Variants in TNFRSF10C observed in about 807,000 individuals in gnomAD.
TNFRSF10C encodes TNF receptor superfamily member 10c.
In TNFRSF10C, 17 loss-of-function variants were observed where a neutral mutation model predicts 16.7. The observed-to-expected ratio is 1.02, with a 90% confidence interval of 0.70 to 1.53. The LOEUF (loss-of-function observed/expected upper bound fraction) is 1.53, where lower values mean the gene tolerates loss of function less well. Among genes scored for constraint, TNFRSF10C ranks in the 40% most tolerant of loss-of-function variants. TNFRSF10C has a pLI of 0.00. For synonymous variants in TNFRSF10C, 73 were observed against 119.7 expected (o/e 0.61, Z 2.55); for missense variants, 237 against 329.7 (o/e 0.72, Z 2.18).
Position 23,116,679 on chromosome 8 carries a change from C to T in TNFRSF10C, c.428C>T (p.Ser143Phe), listed in dbSNP as rs1813989154. Residue 143 changes from serine (S) to phenylalanine (F), a missense_variant, in exon 5 of 5, where the codon TCC becomes TTC. Transcript: ENST00000356864. The stretch of plus-strand genomic sequence containing the variant: ...GAAGTCCAAGTCAGTAATTGTACGT[C>T]CTGGGATGATATCCAGTGTGTTGAA... Reference protein sequence around the residue: ...SGEVQVSNCTSWDDIQCVEEF... With the variant: ...SGEVQVSNCTFWDDIQCVEEF... 6.2e-7 allele frequency: 1 copy of T among 1,614,112 alleles called. No individual in the cohort carries two copies. The highest frequency in any genetic ancestry group is 8.5e-7 in the Non-Finnish European group (1 of 1,180,034).
At chr8:23,105,460 C>A (rs137941902) in intron 1 of TNFRSF10C, among the ~76,000 whole-genome samples, 1 of 152,312 alleles carries the variant, frequency 6.6e-6, no homozygotes, top group East Asian at 1.9e-4. Context: ...GGGTGGAGCA[C>A]CACGGGGAGG....
intron 1 of TNFRSF10C, among the ~76,000 whole-genome samples, chr8:23,105,748 G>A (rs1813764726): frequency 6.6e-6 from 1 of 152,192 alleles, no homozygotes. Context: ...TCAGGGATGG[G>A]GACAGTGGGG....
Position 23,103,054 on chromosome 8 carries a change from C to G in TNFRSF10C, c.-68C>G. The G allele has an allele frequency of 6.3e-7, 1 of 1,576,736 alleles. No individual in the cohort carries two copies. The highest frequency in any genetic ancestry group is 2.3e-5 in the East Asian group (1 of 43,346). On this transcript the variant is annotated 5_prime_UTR_variant, in exon 1 of 5. Coordinates refer to ENST00000356864, the MANE Select transcript of TNFRSF10C (RefSeq NM_003841.5). Reference sequence around the variant, plus strand: ...CCGTTAGGGAACTCTGGGGACAGAGCGCCCCGGCCGCCTGATGGCCGAGGC... The same window carrying G: ...CCGTTAGGGAACTCTGGGGACAGAGGGCCCCGGCCGCCTGATGGCCGAGGC...
rs377096070 is a variant in TNFRSF10C at position 23,116,244 on chromosome 8, A to T, written c.390-397A>T. On this transcript the variant is annotated intron_variant, in intron 4 of 4. Coordinates refer to ENST00000356864, the MANE Select transcript of TNFRSF10C (RefSeq NM_003841.5). ...CTGGCCCCCTAATGTTTGCCGTGAT[A>T]GGGAGGAACCAGCAGACAGTTGGGG... is the stretch of plus-strand genomic sequence containing the variant. 1.7e-3 allele frequency among the ~76,000 whole-genome samples: 261 copies of T among 152,324 alleles called. 5 individuals carry two copies. In the South Asian group the frequency reaches 0.034, roughly 20 times the overall value.
chr8:23,113,717 A>G (rs1421208389), intron 2 of TNFRSF10C, among the ~76,000 whole-genome samples: 1 of 152,176 alleles, frequency 6.6e-6, no homozygotes, highest in East Asian at 1.9e-4. Flanking sequence ...ACGTTTTAAA[A>G]TCAGGTAGTA....
At chr8:23,115,189 A>C (rs943651057) in intron 3 of TNFRSF10C, among the ~76,000 whole-genome samples, 1 of 151,528 alleles carries the variant, frequency 6.6e-6, no homozygotes, top group Non-Finnish European at 1.5e-5. Context: ...AAGTCCCCCA[A>C]GGCCTCCGTC....
intron 2 of TNFRSF10C, among the ~76,000 whole-genome samples, chr8:23,114,115 G>C (rs903880391): frequency 6.6e-6 from 1 of 152,140 alleles, no homozygotes; most frequent in African/African-American, 2.4e-5. Context: ...CAGTCTTGCA[G>C]AGAGCCAGGA....
In TNFRSF10C at chr8:23,116,665, C is replaced by G. The variant is rs1046889954; in HGVS notation, c.414C>G (p.Val138=). 4 of 1,614,002 alleles carry G rather than the reference C, an allele frequency of 2.5e-6. No homozygotes were observed. The African/African-American group carries it at 4.0e-5, about 16-fold the overall frequency. Residue 138 remains valine, a synonymous_variant, in exon 5 of 5, where the codon GTC becomes GTG. Transcript: ENST00000356864. ...CSRCPSGEVQ[V]SNCTSWDDIQ... ...GGTGCCCTAGTGGGGAAGTCCAAGTCAGTAATTGTACGTCCTGGGATGATA... is the reference window on the plus strand; with the variant it reads ...GGTGCCCTAGTGGGGAAGTCCAAGTGAGTAATTGTACGTCCTGGGATGATA...
chr8:23,117,164 C>T lies in TNFRSF10C; in HGVS notation c.*133C>T, dbSNP rs1374659485. 2.2e-6 allele frequency: 3 copies of T among 1,362,424 alleles called. No homozygotes were observed. Among genetic ancestry groups the T allele is most frequent in the Non-Finnish European group, 3.0e-6 (3 of 1,006,074 alleles). The allele number at this position is 1,362,424 out of a possible 1,614,324, so 84.4% of individuals were successfully genotyped here. ...TTCCCACAGACAGAAACGCCTGCCC[C>T]TGCCCCAAGTCCTGGTGTCTCCAGC... On this transcript the variant is annotated 3_prime_UTR_variant, in exon 5 of 5. Coordinates refer to ENST00000356864, the MANE Select transcript of TNFRSF10C (RefSeq NM_003841.5).
chr8:23,117,076 A>C lies in TNFRSF10C; in HGVS notation c.*45A>C. On this transcript the variant is annotated 3_prime_UTR_variant, in exon 5 of 5. Coordinates refer to ENST00000356864, the MANE Select transcript of TNFRSF10C (RefSeq NM_003841.5). Reference sequence around the variant, plus strand: ...AATTCCTTCCTTACCTGAAAGGTTCAGGTAGGCGCTGGCTGAGGGCGGGGG... The same window carrying C: ...AATTCCTTCCTTACCTGAAAGGTTCCGGTAGGCGCTGGCTGAGGGCGGGGG... 6.3e-7 allele frequency: 1 copy of C among 1,595,854 alleles called. No homozygotes were observed.
At position 23,110,119 on chromosome 8, in the gene TNFRSF10C, T is replaced by G. The variant is rs570115749; in HGVS notation, c.61-1601T>G. On this transcript the variant is annotated intron_variant, in intron 1 of 4. Transcript: ENST00000356864. ...AAGACAAAATGAAAAGTTGGTCTTC[T>G]GAAAGGATTTTAAAAAACACTAATA... is the stretch of plus-strand genomic sequence containing the variant. 2.1e-5 allele frequency among the ~76,000 whole-genome samples: 3 copies of G among 141,736 alleles called. No homozygotes were observed. The South Asian group carries it at 6.9e-4, about 33-fold the overall frequency. 93.0% of individuals were successfully genotyped at this position (141,736 alleles called of 152,430 possible).
chr8:23,103,204 G>A (rs1813700052), intron 1 of TNFRSF10C, 23 bp downstream of exon 1: 1 of 1,604,030 alleles, frequency 6.2e-7, no homozygotes, highest in African/African-American at 1.3e-5. Context: ...CGCGGTCCCT[G>A]GCTGGGGAAG....
chr8:23,104,619 G>A (rs116217651), intron 1 of TNFRSF10C, among the ~76,000 whole-genome samples: 710 of 151,750 alleles, frequency 4.7e-3, no homozygotes, highest in African/African-American at 0.015. Context: ...AAATGTTCAC[G>A]AATTTTCCTC....
At chr8:23,109,794 G>A (rs964707955) in intron 1 of TNFRSF10C, among the ~76,000 whole-genome samples, 9 of 151,968 alleles carry the variant, frequency 5.9e-5, no homozygotes, top group South Asian at 2.1e-4. Context: ...AACTGTGTGC[G>A]GTGGCTTACG....
intron 1 of TNFRSF10C, among the ~76,000 whole-genome samples, chr8:23,110,205 C>T (rs1221302931): frequency 2.0e-5 from 3 of 151,664 alleles, no homozygotes; most frequent in South Asian, 2.1e-4. Flanking sequence ...ACGCAGACAT[C>T]GCCTGAACCT....
Position 23,103,140 on chromosome 8 carries a change from AC to A in TNFRSF10C, c.22del (p.Leu8Ter). The A allele has an allele frequency of 6.2e-7, 1 of 1,612,130 alleles. No homozygotes were observed. The highest frequency in any genetic ancestry group is 1.3e-5 in the African/African-American group (1 of 74,952). Reference sequence around the variant, plus strand: ...CCATACCATGGCCCGGATCCCCAAGACCCTAAAGTTCGTCGTCGTCATCGTC... The same window carrying A: ...CCATACCATGGCCCGGATCCCCAAGACCTAAAGTTCGTCGTCGTCATCGTC... MARIPK[T>X]LKFVVVIVAV... On this transcript the variant is annotated frameshift_variant, in exon 1 of 5. Coordinates refer to ENST00000356864, the MANE Select transcript of TNFRSF10C (RefSeq NM_003841.5). LOFTEE classifies it high-confidence loss of function.
intron 1 of TNFRSF10C, 49 bp from the exon 2 acceptor site, chr8:23,111,671 G>T (rs1411584856): frequency 2.1e-6 from 3 of 1,428,936 alleles, no homozygotes; most frequent in African/African-American, 2.8e-5. Flanking sequence ...AGCCTGGGAG[G>T]GGTGAGGTCT....
chr8:23,108,030 T>C (rs1813810599), intron 1 of TNFRSF10C, among the ~76,000 whole-genome samples: 1 of 152,210 alleles, frequency 6.6e-6, no homozygotes, highest in African/African-American at 2.4e-5. Flanking sequence ...CGAATCCGTA[T>C]GCGTCCACAG....
At chr8:23,108,607 TATA>T (rs975655844) in intron 1 of TNFRSF10C, among the ~76,000 whole-genome samples, 5 of 152,190 alleles carry the variant, frequency 3.3e-5, no homozygotes, top group African/African-American at 9.7e-5. Context: ...CTTCAAGGAG[TATA>T]ATAACAACAA....
Sources: allele counts gnomAD v4.1 joint callset (sites outside exome capture counted in the v4.1 genomes callset), GRCh38; gene constraint gnomAD v4.1.1; transcripts MANE v1.5; gene names NCBI Gene and HGNC (gene_info 2026-07-23, HGNC 2026-07-21).